OGT: variants seen among roughly 807,000 people sequenced by gnomAD.
OGT encodes O-linked N-acetylglucosamine (GlcNAc) transferase, also known as UDP-N-acetylglucosamine--peptide N-acetylglucosaminyltransferase 110 kDa subunit.
Under a neutral mutation model 75.8 loss-of-function variants are expected in OGT, and 3 were observed. The observed-to-expected ratio is 0.04, with a 90% confidence interval of 0.02 to 0.10. OGT has a LOEUF of 0.10. Ranked by LOEUF, OGT falls within the 10% of genes least tolerant of loss-of-function variation. OGT has a pLI of 1.00. For missense variants in OGT, 260 were observed against 824.4 expected (o/e 0.32, Z 8.38); for synonymous variants, 257 against 289.7 (o/e 0.89, Z 1.15).
At chrX:71,538,206 G>C in intron 3 of OGT, 134 bp downstream of exon 3, 1 of 700,641 alleles carries the variant, frequency 1.4e-6, no homozygotes, top group African/African-American at 2.2e-5. Context: ...TACTTAAAAT[G>C]GTGAAATTGC....
chrX:71,539,937 T>C (rs1423629633), intron 3 of OGT, among the ~76,000 whole-genome samples: 3 of 112,269 alleles, frequency 2.7e-5, no homozygotes, highest in Non-Finnish European at 5.6e-5. Flanking sequence ...AGTAGGACTA[T>C]GCTGAGAAGG....
intron 8 of OGT, 187 bp from the exon 9 acceptor site, chrX:71,556,493 A>G (rs948178190): frequency 2.6e-6 from 1 of 383,303 alleles, no homozygotes; most frequent in Admixed American, 4.8e-5. Context: ...GTACCTCATT[A>G]TGTTTGAAAC....
intron 20 of OGT, 52 bp from the exon 21 acceptor site, chrX:71,567,939 ACT>A (rs1282672295): frequency 6.8e-6 from 8 of 1,170,140 alleles, no homozygotes. Flanking sequence ...AATAACATTA[ACT>A]CTGTGCTGTT....
Position 71,567,533 on chromosome X carries a change from C to T in OGT, c.2623C>T (p.Leu875=). The stretch of plus-strand genomic sequence containing the variant: ...GCGTGTTCCCAATAGTGTACTCTGG[C>T]TGTTGCGTTTTCCAGCAGTAGGAGA... The part of the protein sequence containing the change: ...LKRVPNSVLW[L]LRFPAVGEPN... Residue 875 remains leucine (L), a synonymous_variant, in exon 20 of 22, where the codon CTG becomes TTG. Coordinates refer to ENST00000373719, the MANE Select transcript of OGT (RefSeq NM_181672.3). The T allele has an allele frequency of 8.5e-7, 1 of 1,181,310 alleles. No homozygotes were observed. Among genetic ancestry groups the T allele is most frequent in the Non-Finnish European group, 1.1e-6 (1 of 874,558 alleles).
Position 71,564,748 on chromosome X carries a change from G to T in OGT, c.2584G>T (p.Ala862Ser). Residue 862 changes from alanine to serine, a missense_variant, in exon 19 of 22, where the codon GCA becomes TCA. Physicochemically the swap from Ala to Ser is moderately conservative, Grantham distance 99. Coordinates refer to ENST00000373719, the MANE Select transcript of OGT (RefSeq NM_181672.3). ...KIDPSTLQMW[A>S]NILKRVPNSV... ...TGACCCTTCTACTTTGCAGATGTGG[G>T]CAAACGTGAGTATGCAAGTATGTTA... The T allele has an allele frequency of 8.5e-7, 1 of 1,182,254 alleles. No homozygotes were observed. Among genetic ancestry groups the T allele is most frequent in the South Asian group, 1.9e-5 (1 of 53,964 alleles).
rs368381302 is a variant in OGT, at chrX:71,560,987, G to A, written c.1852-788G>A. 9.1e-5 allele frequency among the ~76,000 whole-genome samples: 10 copies of A among 109,705 alleles called. No homozygotes were observed. The East Asian group carries it at 2.9e-3, about 31-fold the overall frequency. ...TTGTCGCCCAGGGTGGAATGCAGTG[G>A]CACGATCTCGGCTCACTGCAATCTT... On this transcript the variant is annotated intron_variant, in intron 14 of 21. Coordinates refer to ENST00000373719, the MANE Select transcript of OGT (RefSeq NM_181672.3).
chrX:71,559,791 C>A, intron 14 of OGT, 114 bp downstream of exon 14: 1 of 509,650 alleles, frequency 2.0e-6, no homozygotes, highest in Non-Finnish European at 3.2e-6. Flanking sequence ...CACATATAGG[C>A]AATTGTGTTG....
intron 3 of OGT, among the ~76,000 whole-genome samples, chrX:71,540,511 A>T (rs898868875): frequency 1.8e-5 from 2 of 112,019 alleles, no homozygotes; most frequent in Non-Finnish European, 3.8e-5. Context: ...AACAGTGTTT[A>T]TCTTTTTAAG....
intron 9 of OGT, 59 bp downstream of exon 9, chrX:71,556,839 TTCGGCACA>T: frequency 4.8e-6 from 5 of 1,035,121 alleles, no homozygotes; most frequent in Non-Finnish European, 6.6e-6. Context: ...ATGTTTGACA[TTCGGCACA>T]TTGCAGATGC....
chrX:71,558,200 C>T (rs951727040), intron 12 of OGT, among the ~76,000 whole-genome samples: 6 of 110,674 alleles, frequency 5.4e-5, no homozygotes, highest in African/African-American at 1.6e-4. Context: ...ATCTGCCCAC[C>T]TCGCCCGGCC....
At chrX:71,563,611 G>C in intron 18 of OGT, 112 bp downstream of exon 18, 1 of 596,349 alleles carries the variant, frequency 1.7e-6, no homozygotes, top group Non-Finnish European at 2.6e-6. Context: ...TTATGGATGA[G>C]GAAATGAGTT....
chrX:71,548,929 T>C (rs1443361766), intron 5 of OGT, among the ~76,000 whole-genome samples: 1 of 111,401 alleles, frequency 9.0e-6, no homozygotes. Flanking sequence ...AAAATAAAAC[T>C]CATATTAAAG....
chrX:71,557,230 C>T lies in OGT; in HGVS notation c.1356C>T (p.Tyr452=), dbSNP rs1295043849. ...SGNIPEAIAS[Y]RTALKLKPDF... ...ATATTCCAGAAGCCATAGCTTCTTA[C>T]CGCACGGCTCTGAAACTTAAGCCTG... Residue 452 remains tyrosine (Y), a synonymous_variant, in exon 11 of 22, where the codon TAC becomes TAT. Coordinates refer to ENST00000373719, the MANE Select transcript of OGT (RefSeq NM_181672.3). 5 of 1,207,820 alleles carry T rather than the reference C, an allele frequency of 4.1e-6. No homozygotes were observed. The highest frequency in any genetic ancestry group is 5.6e-6 in the Non-Finnish European group (5 of 892,832).
chrX:71,536,402 T>G, intron 2 of OGT, 44 bp downstream of exon 2: 1 of 999,162 alleles, frequency 1.0e-6, no homozygotes, highest in Non-Finnish European at 1.3e-6. Flanking sequence ...TGCCTCTGGG[T>G]GCTGAGCTTG....
At chrX:71,566,363 A>G (rs1216129101) in intron 19 of OGT, among the ~76,000 whole-genome samples, 1 of 112,049 alleles carries the variant, frequency 8.9e-6, no homozygotes, top group Non-Finnish European at 1.9e-5. Flanking sequence ...TAATTTATAA[A>G]GGAAAGAGGT....
chrX:71,547,816 T>TC (rs752448954), intron 4 of OGT, 91 bp from the exon 5 acceptor site: 17 of 423,144 alleles, frequency 4.0e-5, no homozygotes, highest in Admixed American at 8.0e-5. Flanking sequence ...CTTCCCCCCC[T>TC]CCCCCCAATC....
chrX:71,544,037 C>T (rs758173845), intron 3 of OGT, among the ~76,000 whole-genome samples: 4 of 109,774 alleles, frequency 3.6e-5, no homozygotes, highest in South Asian at 3.8e-4. Context: ...CCTCCCACCT[C>T]GCCCTCCCAA....
At chrX:71,536,057 C>A in intron 1 of OGT, 121 bp from the exon 2 acceptor site, 1 of 555,669 alleles carries the variant, frequency 1.8e-6, no homozygotes, top group Non-Finnish European at 2.8e-6. Flanking sequence ...TAGTGCTTTA[C>A]ATAGTTTCAA....
chrX:71,560,047 C>T (rs761473605), intron 14 of OGT, among the ~76,000 whole-genome samples: 11 of 109,827 alleles, frequency 1.0e-4, no homozygotes, highest in African/African-American at 1.7e-4. Flanking sequence ...TTTGGGAGGT[C>T]GAGGCGGGCA....
Sources: allele counts gnomAD v4.1 joint callset (sites outside exome capture counted in the v4.1 genomes callset), GRCh38; gene constraint gnomAD v4.1.1; transcripts MANE v1.5; gene names NCBI Gene and HGNC (gene_info 2026-07-23, HGNC 2026-07-21).